CACNA2D1: variants seen among roughly 807,000 people sequenced by gnomAD.
CACNA2D1 encodes the protein calcium voltage-gated channel auxiliary subunit alpha2delta 1, also known as voltage-dependent calcium channel subunit alpha-2/delta-1.
CACNA2D1 carries 53 observed loss-of-function variants against 171.5 expected under a neutral mutation model. That is an observed-to-expected ratio of 0.31 (90% CI 0.25 to 0.39). CACNA2D1 has a LOEUF of 0.39. CACNA2D1 is among the 10% of genes least tolerant of loss of function. CACNA2D1 has a pLI of 1.00. For missense variants in CACNA2D1, 903 were observed against 1,299.8 expected (o/e 0.69, Z 4.69); for synonymous variants, 442 against 443.1 (o/e 1.00, Z 0.03).
chr7:81,994,477 C>A (rs1797845346), intron 20 of CACNA2D1, among the ~76,000 whole-genome samples: 1 of 151,810 alleles, frequency 6.6e-6, no homozygotes, highest in Admixed American at 6.6e-5. Flanking sequence ...AATAAAAAGG[C>A]AAATCATGTA....
intron 3 of CACNA2D1, among the ~76,000 whole-genome samples, chr7:82,216,567 A>G (rs79660983): frequency 0.084 from 12,789 of 152,144 alleles, 706 homozygotes; most frequent in Non-Finnish European, 0.11. Flanking sequence ...AACTACTCCA[A>G]ACTTTCCTTT....
At chr7:82,019,664 G>A (rs1800948452) in intron 12 of CACNA2D1, among the ~76,000 whole-genome samples, 2 of 152,208 alleles carry the variant, frequency 1.3e-5, no homozygotes, top group Non-Finnish European at 2.9e-5. Context: ...AAGCCACAGG[G>A]TCAACCTATT....
chr7:82,429,798 C>T (rs932371564), intron 1 of CACNA2D1, among the ~76,000 whole-genome samples: 7 of 149,582 alleles, frequency 4.7e-5, no homozygotes, highest in Non-Finnish European at 7.4e-5. Context: ...AACTAAGCTA[C>T]CCATTCACAA....
chr7:82,118,150 A>G (rs1196714694), intron 5 of CACNA2D1, among the ~76,000 whole-genome samples: 1 of 152,182 alleles, frequency 6.6e-6, no homozygotes, highest in Non-Finnish European at 1.5e-5. Context: ...ATCAATAATG[A>G]TTCAAGAAAA....
chr7:82,077,587 T>C (rs1351647174), intron 7 of CACNA2D1, among the ~76,000 whole-genome samples: 1 of 152,192 alleles, frequency 6.6e-6, no homozygotes, highest in African/African-American at 2.4e-5. Flanking sequence ...TAAAAATCAC[T>C]ATTATTTTGG....
chr7:82,167,774 C>G (rs1795607353), intron 4 of CACNA2D1, among the ~76,000 whole-genome samples: 1 of 152,030 alleles, frequency 6.6e-6, no homozygotes, highest in East Asian at 1.9e-4. Context: ...TTAACAGTCT[C>G]TTTTGATGTC....
In CACNA2D1 at chr7:82,366,903, C is replaced by CTTTTTTTTTTTTTTTTTTTTTTTTTTTT. The variant is rs71093376; in HGVS notation, c.96-17255_96-17254insAAAAAAAAAAAAAAAAAAAAAAAAAAAA. 1.4e-4 allele frequency among the ~76,000 whole-genome samples: 12 copies of CTTTTTTTTTTTTTTTTTTTTTTTTTTTT among 86,968 alleles called. 4 individuals are homozygous for CTTTTTTTTTTTTTTTTTTTTTTTTTTTT. Among genetic ancestry groups the CTTTTTTTTTTTTTTTTTTTTTTTTTTTT allele is most frequent in the Non-Finnish European group, 2.3e-4 (10 of 43,364 alleles). 57.1% of individuals were successfully genotyped at this position (86,968 alleles called of 152,430 possible). A position where few individuals can be genotyped will look rare whatever the true frequency, so the allele number is the denominator to read the frequency against. On this transcript the variant is annotated intron_variant, in intron 1 of 38. Transcript: ENST00000356860. Reference sequence around the variant, plus strand: ...CCTGCCAGCATCCACTGGTTTTGACCTTTTTTTTTTTTTTTTTTTTTTTGA... The same window carrying CTTTTTTTTTTTTTTTTTTTTTTTTTTTT: ...CCTGCCAGCATCCACTGGTTTTGACCTTTTTTTTTTTTTTTTTTTTTTTTTTTTTTTTTTTTTTTTTTTTTTTTTTTGA...
chr7:82,268,468 T>C (rs928018269), intron 3 of CACNA2D1, among the ~76,000 whole-genome samples: 3 of 152,090 alleles, frequency 2.0e-5, no homozygotes, highest in African/African-American at 7.2e-5. Flanking sequence ...ATTACAAAAA[T>C]TTACTGGGGG....
intron 5 of CACNA2D1, among the ~76,000 whole-genome samples, chr7:82,134,376 A>G (rs1791360049): frequency 6.6e-6 from 1 of 152,196 alleles, no homozygotes; most frequent in Admixed American, 6.5e-5. Flanking sequence ...AAATTTTAAT[A>G]GGTGTTAAAG....
At chr7:82,061,406 T>C (rs1189131547) in intron 9 of CACNA2D1, among the ~76,000 whole-genome samples, 1 of 152,144 alleles carries the variant, frequency 6.6e-6, no homozygotes, top group Non-Finnish European at 1.5e-5. Context: ...GCTACAGTAA[T>C]AGCCAGTCAA....
rs368013698 is a variant in CACNA2D1 at position 82,247,510 on chromosome 7, GA to G, written c.295-76902del. Among the ~76,000 whole-genome samples the G allele has an allele frequency of 9.8e-3, 1,292 of 132,510 alleles. 13 individuals carry two copies. The highest frequency in any genetic ancestry group is 0.033 in the African/African-American group (1,207 of 36,442). The allele number at this position is 132,510 out of a possible 152,430, so 86.9% of individuals were successfully genotyped here. A position where few individuals can be genotyped will look rare whatever the true frequency, so the allele number is the denominator to read the frequency against. On this transcript the variant is annotated intron_variant, in intron 3 of 38. Coordinates refer to ENST00000356860, the MANE Select transcript of CACNA2D1 (RefSeq NM_000722.4). ...AAGAGCCAGACCCTGTCTCAAAAAAGAAAAAAAAAAAGGAAAGAAAATCAAA... is the reference window on the plus strand; with the variant it reads ...AAGAGCCAGACCCTGTCTCAAAAAAGAAAAAAAAAAGGAAAGAAAATCAAA...
chr7:82,379,882 T>G (rs1184712184), intron 1 of CACNA2D1, among the ~76,000 whole-genome samples: 1 of 152,172 alleles, frequency 6.6e-6, no homozygotes, highest in Non-Finnish European at 1.5e-5. Context: ...CTCCAATCTT[T>G]GTTATAATTT....
chr7:82,374,363 T>C (rs2214835), intron 1 of CACNA2D1, among the ~76,000 whole-genome samples: 15,462 of 152,218 alleles, frequency 0.1, 2,532 homozygotes, highest in African/African-American at 0.34. Context: ...CATTCTCCTA[T>C]CAAATCAGAG....
At chr7:82,406,451 C>T (rs1235651929) in intron 1 of CACNA2D1, among the ~76,000 whole-genome samples, 1 of 152,148 alleles carries the variant, frequency 6.6e-6, no homozygotes, top group Non-Finnish European at 1.5e-5. Context: ...AGTTCTAGAT[C>T]CCTGAGGAAT....
At chr7:82,140,298 C>T (rs1329694635) in intron 4 of CACNA2D1, among the ~76,000 whole-genome samples, 1 of 152,114 alleles carries the variant, frequency 6.6e-6, no homozygotes, top group Non-Finnish European at 1.5e-5. Flanking sequence ...TGTCCCATAC[C>T]GTAAAACTAA....
In CACNA2D1 at chr7:82,318,971, C is replaced by T. The variant is rs1815468868; in HGVS notation, c.294+16164G>A. 2.0e-5 allele frequency among the ~76,000 whole-genome samples: 3 copies of T among 152,112 alleles called. No individual in the cohort carries two copies. In the South Asian group the frequency reaches 6.2e-4, roughly 32 times the overall value. On this transcript the variant is annotated intron_variant, in intron 3 of 38. Coordinates refer to ENST00000356860, the MANE Select transcript of CACNA2D1 (RefSeq NM_000722.4). ...GTAAAACACTAGGCAGAGTGCCTGA[C>T]ACATGATAAGTGCAAGGCAGAGTGA...
At chr7:81,996,204 T>G (rs1388942162) in intron 19 of CACNA2D1, among the ~76,000 whole-genome samples, 1 of 151,972 alleles carries the variant, frequency 6.6e-6, no homozygotes, top group Non-Finnish European at 1.5e-5. Context: ...GCTTGCAGAA[T>G]CTAAGATCAT....
chr7:81,951,975 T>TTTTTTTTTTTTTGTTTTTG (rs1554321720), intron 38 of CACNA2D1, among the ~76,000 whole-genome samples: 2 of 147,376 alleles, frequency 1.4e-5, no homozygotes, highest in African/African-American at 5.1e-5. Context: ...AAGTGTTTTT[T>TTTTTTTTTTTTTGTTTTTG]TTTTTTTTTT....
chr7:82,435,990 T>C (rs899235279), intron 1 of CACNA2D1, among the ~76,000 whole-genome samples: 1 of 152,224 alleles, frequency 6.6e-6, no homozygotes. Context: ...CCCTTCAGTA[T>C]GCAATGTACT....
Sources: gnomAD v4.1 joint callset for allele counts (sites outside exome capture counted in the v4.1 genomes callset) on GRCh38, gnomAD v4.1.1 for gene constraint, MANE v1.5 for transcripts, NCBI Gene and HGNC (gene_info 2026-07-23, HGNC 2026-07-21) for gene names.